The following DST variants were observed in gnomAD, a reference collection of about 807,000 sequenced individuals.
DST encodes dystonin, also known as bullous pemphigoid antigen.
A neutral mutation model predicts 875.2 loss-of-function variants in DST; 253 were observed. That is an observed-to-expected ratio of 0.29 (90% CI 0.26 to 0.32). The LOEUF (loss-of-function observed/expected upper bound fraction) is 0.32. DST is among the 10% of genes least tolerant of loss of function. DST has a pLI of 1.00. For missense variants in DST, 8,287 were observed against 9,111.6 expected, an observed-to-expected ratio of 0.91 and a Z score of 3.68; for synonymous variants, 3,124 against 3,197.1, an observed-to-expected ratio of 0.98 and a Z score of 0.77.
intron 33 of DST, among the ~76,000 whole-genome samples, 186 bp downstream of exon 33, chr6:56,627,813 A>G (rs2098747465): frequency 1.3e-5 from 2 of 152,190 alleles, no homozygotes; most frequent in South Asian, 4.1e-4. Context: ...TTCAAAAATT[A>G]CTTCCAAGAA....
At chr6:56,865,708 G>A (rs911783827) in intron 3 of DST, among the ~76,000 whole-genome samples, 2 of 152,064 alleles carry the variant, frequency 1.3e-5, no homozygotes, top group African/African-American at 2.4e-5. Flanking sequence ...GAGTCATAGG[G>A]ACAGATGGCG....
intron 75 of DST, among the ~76,000 whole-genome samples, chr6:56,508,286 G>A (rs558126317): frequency 7.8e-4 from 118 of 152,150 alleles, no homozygotes; most frequent in African/African-American, 2.7e-3. Context: ...CGCCCACCTC[G>A]GCCTCCCAAA....
At chr6:56,480,738 A>C (rs927590308) in intron 90 of DST, among the ~76,000 whole-genome samples, 3 of 152,206 alleles carry the variant, frequency 2.0e-5, no homozygotes, top group African/African-American at 7.2e-5. Context: ...TGCTCTGGAT[A>C]CGTGCCTTCT....
At chr6:56,509,087 G>T (rs1013601703) in intron 74 of DST, among the ~76,000 whole-genome samples, 1 of 152,082 alleles carries the variant, frequency 6.6e-6, no homozygotes, top group African/African-American at 2.4e-5. Context: ...ACACTTTTAT[G>T]CTCCCCAAAT....
chr6:56,459,554 T>C (rs931145632), intron 103 of DST, among the ~76,000 whole-genome samples: 1 of 152,234 alleles, frequency 6.6e-6, no homozygotes, highest in Non-Finnish European at 1.5e-5. Flanking sequence ...GGAATATACC[T>C]ATCCTTTAAG....
At chr6:56,489,448 C>T in intron 86 of DST, 42 bp downstream of exon 86, 1 of 1,570,676 alleles carries the variant, frequency 6.4e-7, no homozygotes, top group Non-Finnish European at 8.6e-7. Context: ...TGATCTTGAA[C>T]TATATAATGA....
chr6:56,520,622 T>A (rs1026898440), intron 69 of DST, among the ~76,000 whole-genome samples: 2 of 152,102 alleles, frequency 1.3e-5, no homozygotes, highest in African/African-American at 4.8e-5. Flanking sequence ...TAAAACAAGT[T>A]TAATTTTAAT....
At chr6:56,945,937 T>C (rs1377481987) in intron 2 of DST, 1 of 152,096 alleles carries the variant, frequency 6.6e-6, no homozygotes, top group Admixed American at 6.6e-5. Context: ...TATAGGTTTA[T>C]TTTGGGGGTG....
intron 75 of DST, among the ~76,000 whole-genome samples, chr6:56,507,722 G>T (rs760995400): frequency 6.6e-6 from 1 of 152,272 alleles, no homozygotes; most frequent in East Asian, 1.9e-4. Flanking sequence ...GTTTGGTAAA[G>T]GAGCAAGAGA....
intron 69 of DST, among the ~76,000 whole-genome samples, chr6:56,520,169 T>C (rs1302245792): frequency 6.6e-6 from 1 of 151,800 alleles, no homozygotes; most frequent in Admixed American, 6.6e-5. Context: ...GGAAAAGAAA[T>C]TACCACTTAG....
intron 10 of DST, among the ~76,000 whole-genome samples, chr6:56,653,214 G>T (rs2098985852): frequency 6.6e-6 from 1 of 152,160 alleles, no homozygotes; most frequent in African/African-American, 2.4e-5. Context: ...CCTTCAGAAT[G>T]ACATAGTCAT....
intron 3 of DST, among the ~76,000 whole-genome samples, chr6:56,884,960 G>A (rs1014156542): frequency 2.0e-4 from 30 of 152,282 alleles, no homozygotes; most frequent in African/African-American, 7.2e-4. Context: ...TCGATCTCCT[G>A]ACCTCATGAT....
At chr6:56,521,079 T>C (rs2096689906) in intron 69 of DST, among the ~76,000 whole-genome samples, 1 of 152,242 alleles carries the variant, frequency 6.6e-6, no homozygotes, top group Non-Finnish European at 1.5e-5. Flanking sequence ...TATTGATCAA[T>C]ATGAAAACAA....
At chr6:56,459,995 A>C in intron 103 of DST, 136 bp downstream of exon 103, 1 of 1,059,258 alleles carries the variant, frequency 9.4e-7, no homozygotes, top group Non-Finnish European at 1.3e-6. Context: ...CTTTTGGAGG[A>C]CTGGGGCTAC....
chr6:56,699,188 G>A (rs955350359), intron 9 of DST, among the ~76,000 whole-genome samples: 1 of 152,164 alleles, frequency 6.6e-6, no homozygotes. Context: ...AGAAAGCACA[G>A]CTCTGCATAA....
chr6:56,468,877 G>C, intron 98 of DST, 105 bp downstream of exon 98: 1 of 875,246 alleles, frequency 1.1e-6, no homozygotes. Context: ...GTAGTAGCTA[G>C]GGAGACAGCA....
At chr6:56,522,738 T>C (rs958754294) in intron 69 of DST, among the ~76,000 whole-genome samples, 2 of 147,984 alleles carry the variant, frequency 1.4e-5, no homozygotes, top group African/African-American at 2.4e-5. Flanking sequence ...CCCACTTACA[T>C]AAGCCAAGCA....
chr6:56,885,641 T>C (rs927222924), intron 3 of DST, among the ~76,000 whole-genome samples: 59 of 152,220 alleles, frequency 3.9e-4, no homozygotes, highest in Middle Eastern at 3.4e-3. Flanking sequence ...CAAAAAAGGC[T>C]TCAAAGAGCT....
intron 75 of DST, among the ~76,000 whole-genome samples, chr6:56,507,768 C>A (rs1166295332): frequency 6.6e-6 from 1 of 152,130 alleles, no homozygotes; most frequent in African/African-American, 2.4e-5. Flanking sequence ...ATGAGCTAGG[C>A]TGGCATGCAA....
Sources: allele counts gnomAD v4.1 joint callset (sites outside exome capture counted in the v4.1 genomes callset), GRCh38; gene constraint gnomAD v4.1.1; transcripts MANE v1.5; gene names NCBI Gene and HGNC (gene_info 2026-07-23, HGNC 2026-07-21).